PLCH1: variants seen among roughly 807,000 people sequenced by gnomAD.
PLCH1 encodes 1-phosphatidylinositol 4,5-bisphosphate phosphodiesterase eta-1.
Under a neutral mutation model 126.7 loss-of-function variants are expected in PLCH1, and 60 were observed. The observed-to-expected ratio is 0.47, with a 90% CI of 0.38 to 0.59. The LOEUF (loss-of-function observed/expected upper bound fraction) is 0.59. PLCH1 is among the 20% of genes least tolerant of loss of function. PLCH1 has a pLI of 0.00. For missense variants in PLCH1, 1,723 were observed against 2,040.0 expected (o/e 0.84, Z 2.99); for synonymous variants, 719 against 734.9 (o/e 0.98, Z 0.35).
intron 6 of PLCH1, among the ~76,000 whole-genome samples, chr3:155,574,076 G>A (rs1488116834): frequency 2.0e-5 from 3 of 152,080 alleles, no homozygotes; most frequent in African/African-American, 7.2e-5. Flanking sequence ...ACCACGCCCA[G>A]ATAATTTTTT....
downstream of PLCH1, among the ~76,000 whole-genome samples, chr3:155,475,580 G>A (rs1019863235): frequency 6.6e-6 from 1 of 151,700 alleles, no homozygotes; most frequent in Non-Finnish European, 1.5e-5. Flanking sequence ...GCCAGACTAA[G>A]AAAAAAGAGA....
Position 155,482,285 on chromosome 3 carries a change from A to C in PLCH1, c.3741T>G (p.Ser1247=). 6.2e-7 allele frequency: 1 copy of C among 1,614,150 alleles called. No homozygotes were observed. Among genetic ancestry groups the C allele is most frequent in the South Asian group, 1.1e-5 (1 of 91,084 alleles). Residue 1247 remains serine (S), a synonymous_variant, in exon 23 of 23, where the codon TCT becomes TCG. Coordinates refer to ENST00000460012, the MANE Select transcript of PLCH1 (RefSeq NM_014996.4). ...AACTCGAGAGTGCTATCAGCTCCGG[A>C]GATGAGCACAGGAAGGAAGACTTGG... is the stretch of plus-strand genomic sequence containing the variant. ...GKSKSSFLCS[S]PELIALSSSE...
intron 21 of PLCH1, among the ~76,000 whole-genome samples, chr3:155,460,302 A>C (rs1712660979): frequency 6.6e-6 from 1 of 152,196 alleles, no homozygotes; most frequent in African/African-American, 2.4e-5. Context: ...TATGTACTGG[A>C]CAGACAAAAA....
At chr3:155,653,394 C>T (rs1740991250) in intron 2 of PLCH1, among the ~76,000 whole-genome samples, 1 of 152,106 alleles carries the variant, frequency 6.6e-6, no homozygotes, top group South Asian at 2.1e-4. Context: ...ATTGGGAGGT[C>T]CAAATCATTG....
rs1351868001 is a variant in PLCH1 at position 155,567,141 on chromosome 3, C to T, written c.865+1090G>A. On this transcript the variant is annotated intron_variant, in intron 7 of 22. Coordinates refer to ENST00000460012, the MANE Select transcript of PLCH1 (RefSeq NM_014996.4). ...AGGTTGAAATGCAGTGGCACGGTCT[C>T]GGCTCACTGCAACCTCCACCTCCCA... Among the ~76,000 whole-genome samples the T allele has an allele frequency of 4.6e-5, 7 of 152,078 alleles. 1 individual carries two copies. The highest frequency in any genetic ancestry group is 2.0e-4 in the Admixed American group (3 of 15,274).
intron 10 of PLCH1, among the ~76,000 whole-genome samples, chr3:155,526,408 TTC>T (rs541596977): frequency 8.6e-6 from 1 of 116,090 alleles, no homozygotes; most frequent in African/African-American, 3.8e-5. Flanking sequence ...CTCTCTCTCT[TTC>T]TCTCTCTCTC....
chr3:155,734,115 G>C (rs1205342109), intron 1 of PLCH1, among the ~76,000 whole-genome samples: 1 of 151,870 alleles, frequency 6.6e-6, no homozygotes, highest in African/African-American at 2.4e-5. Context: ...GGAAATCCTT[G>C]TGCACTGCTG....
At chr3:155,542,349 G>A (rs1233719617) in intron 10 of PLCH1, among the ~76,000 whole-genome samples, 1 of 152,220 alleles carries the variant, frequency 6.6e-6, no homozygotes. Flanking sequence ...GCCCGCCATT[G>A]CCCAGGCTTG....
At chr3:155,744,639 C>T (rs930280192) in intron 1 of PLCH1, among the ~76,000 whole-genome samples, 2 of 152,174 alleles carry the variant, frequency 1.3e-5, no homozygotes, top group African/African-American at 4.8e-5. Flanking sequence ...TGAAGAGCGG[C>T]CGTGGCCAGT....
rs748819874 is a variant in PLCH1, at chr3:155,504,548, T to A, written c.1704+7A>T. ...AAGTATGCATAGTTATTACTCTTAA[T>A]TCATACCTTATGTTTTCCAAAGTTG... On this transcript the variant is annotated splice_region_variant and intron_variant, in intron 13 of 22. Transcript: ENST00000460012. 4 of 1,530,468 alleles carry A rather than the reference T, an allele frequency of 2.6e-6. No homozygotes were observed. In the East Asian group the frequency reaches 9.0e-5, roughly 34 times the overall value. 94.8% of individuals were successfully genotyped at this position (1,530,468 alleles called of 1,614,324 possible).
chr3:155,609,899 TA>T lies in PLCH1; in HGVS notation c.80-13522del, dbSNP rs1398682643. Among the ~76,000 whole-genome samples the T allele has an allele frequency of 2.0e-5, 3 of 152,102 alleles. No homozygotes were observed. The East Asian group carries it at 5.8e-4, about 29-fold the overall frequency. On this transcript the variant is annotated intron_variant, in intron 2 of 22. Coordinates refer to ENST00000460012, the MANE Select transcript of PLCH1 (RefSeq NM_014996.4). ...GCTTCCAAGTAATTTGGAATTATGT[TA>T]AATGACTAACCCTAAGAATAATTGG...
At chr3:155,654,954 C>T (rs1741180489) in intron 2 of PLCH1, among the ~76,000 whole-genome samples, 3 of 152,330 alleles carry the variant, frequency 2.0e-5, no homozygotes, top group Admixed American at 2.0e-4. Flanking sequence ...GACTTTGCTT[C>T]CACTGCCCTG....
At chr3:155,667,292 CCA>C (rs1353384867) in intron 2 of PLCH1, among the ~76,000 whole-genome samples, 4 of 152,110 alleles carry the variant, frequency 2.6e-5, no homozygotes, top group Admixed American at 2.6e-4. Flanking sequence ...CTCCCTGACA[CCA>C]GTGTTCCTCT....
At chr3:155,702,046 A>C (rs7641442) in intron 2 of PLCH1, among the ~76,000 whole-genome samples, 3,261 of 152,284 alleles carry the variant, frequency 0.021, 135 homozygotes, top group African/African-American at 0.074. Flanking sequence ...TAATTCTTGA[A>C]TGTAAGAAGT....
At position 155,630,446 on chromosome 3, in the gene PLCH1, C is replaced by G. The variant is rs939308517; in HGVS notation, c.80-34068G>C. On this transcript the variant is annotated intron_variant, in intron 2 of 22. Coordinates refer to ENST00000460012, the MANE Select transcript of PLCH1 (RefSeq NM_014996.4). ...ATCAGAATATAGTGGAGTCACCCAG[C>G]TGGCTGCAAACTTATCCAGTCAAAA... Among the ~76,000 whole-genome samples, 3 of 152,306 alleles carry G rather than the reference C, an allele frequency of 2.0e-5. No homozygotes were observed. In the East Asian group the frequency reaches 5.8e-4, roughly 29 times the overall value.
chr3:155,520,346 T>C (rs1013405552), intron 11 of PLCH1, among the ~76,000 whole-genome samples: 2 of 152,282 alleles, frequency 1.3e-5, no homozygotes, highest in Non-Finnish European at 2.9e-5. Flanking sequence ...TATTAAAGTG[T>C]TTAGTGAGAG....
At position 155,512,146 on chromosome 3, in the gene PLCH1, C is replaced by G. The variant is rs555390573; in HGVS notation, c.1632+2577G>C. The stretch of plus-strand genomic sequence containing the variant: ...GCGTCCGTCACCCCTTTCTTTGACT[C>G]GGAAAGGGAACTCCCTGACCCCTTG... On this transcript the variant is annotated intron_variant, in intron 12 of 22. Transcript: ENST00000460012. Among the ~76,000 whole-genome samples, 960 of 151,676 alleles carry G rather than the reference C, an allele frequency of 6.3e-3. 11 individuals carry two copies. Among genetic ancestry groups the G allele is most frequent in the African/African-American group, 0.021 (884 of 41,324 alleles).
intron 10 of PLCH1, among the ~76,000 whole-genome samples, chr3:155,532,094 A>T (rs1263101326): frequency 6.6e-6 from 1 of 152,244 alleles, no homozygotes; most frequent in Non-Finnish European, 1.5e-5. Flanking sequence ...CTTTTAACAC[A>T]TCTTCCTCAC....
At chr3:155,631,902 CTTTTTTT>C (rs60843505) in intron 2 of PLCH1, among the ~76,000 whole-genome samples, 1 of 140,842 alleles carries the variant, frequency 7.1e-6, no homozygotes, top group South Asian at 2.2e-4. Flanking sequence ...ACAAGAACTC[CTTTTTTT>C]TTTTTTTTTT....
Sources: gnomAD v4.1 joint callset for allele counts (sites outside exome capture counted in the v4.1 genomes callset) on GRCh38, gnomAD v4.1.1 for gene constraint, MANE v1.5 for transcripts, NCBI Gene and HGNC (gene_info 2026-07-23, HGNC 2026-07-21) for gene names.